The following IQGAP3 variants were observed in gnomAD, a reference collection of about 807,000 sequenced individuals.
IQGAP3 encodes ras GTPase-activating-like protein IQGAP3.
IQGAP3 carries 165 observed loss-of-function variants against 208.2 expected under a neutral mutation model. The ratio of observed to expected loss-of-function variants is 0.79; its 90% CI spans 0.70 to 0.90. The LOEUF is 0.90. Ranked by LOEUF, IQGAP3 falls within the 40% of genes least tolerant of loss-of-function variation. The probability of loss-of-function intolerance (pLI) is 0.00; values close to 1 mark genes in which losing one functional copy is unlikely to be tolerated. For missense variants in IQGAP3, 1,811 were observed against 2,043.1 expected, an observed-to-expected ratio of 0.89 and a Z score of 2.19; for synonymous variants, 703 against 803.6, an observed-to-expected ratio of 0.87 and a Z score of 2.12.
chr1:156,554,258 C>T lies in IQGAP3; in HGVS notation c.1425G>A (p.Glu475=), dbSNP rs1675711190. Residue 475 remains glutamate, a synonymous_variant, in exon 13 of 38, where the codon GAG becomes GAA. Coordinates refer to ENST00000361170, the MANE Select transcript of IQGAP3 (RefSeq NM_178229.5). ...ACCGCTGGGCATTTTCTCCTTCCAC[C>T]TCAGCCAGGCCTGTGGCAGGGTTCA... ...SLVNPATGLA[E]VEGENAQRYF... is the part of the protein sequence containing the mutation. The T allele has an allele frequency of 6.2e-7, 1 of 1,610,522 alleles. No homozygotes were observed. The highest frequency in any genetic ancestry group is 8.5e-7 in the Non-Finnish European group (1 of 1,178,988).
In IQGAP3 at chr1:156,540,722, G is replaced by T. The variant is rs368663938; in HGVS notation, c.2725C>A (p.Arg909=). The T allele has an allele frequency of 1.2e-5, 19 of 1,613,950 alleles. No individual in the cohort carries two copies. Among genetic ancestry groups the T allele is most frequent in the Non-Finnish European group, 1.5e-5 (18 of 1,179,992 alleles). ...DIKIGLLVKN[R]ITLQEVVSHC... ...GGGCCCCATACCTGCAGAGTGATCC[G>T]GTTCTTCACCAGCAGGCCAATCTTG... The change falls in exon 23 of 38, where the codon CGG becomes AGG. Residue 909 remains arginine, a synonymous_variant. Transcript: ENST00000361170.
rs150214637 is a variant in IQGAP3, at chr1:156,570,964, A to G, written c.38-1501T>C. The stretch of plus-strand genomic sequence containing the variant: ...GAATAAATAGGCGGAACACAGGGAA[A>G]GGCAGTCCAACAGAGGGAAACATGC... On this transcript the variant is annotated intron_variant, in intron 1 of 37. Transcript: ENST00000361170. 4.1e-3 allele frequency among the ~76,000 whole-genome samples: 625 copies of G among 152,350 alleles called. 4 individuals are homozygous for G. The highest frequency in any genetic ancestry group is 0.014 in the Middle Eastern group (4 of 294).
chr1:156,553,515 C>G (rs1675665382), intron 13 of IQGAP3, among the ~76,000 whole-genome samples: 1 of 152,150 alleles, frequency 6.6e-6, no homozygotes, highest in Non-Finnish European at 1.5e-5. Context: ...TATGTCTCTA[C>G]CCATTACCCA....
intron 10 of IQGAP3, 88 bp downstream of exon 10, chr1:156,561,750 G>T (rs112452789): frequency 7.6e-7 from 1 of 1,320,972 alleles, no homozygotes. Context: ...AGAATACAAA[G>T]GACCAACAGT....
At chr1:156,571,879 C>T (rs1051425242) in intron 1 of IQGAP3, among the ~76,000 whole-genome samples, 1 of 152,206 alleles carries the variant, frequency 6.6e-6, no homozygotes. Flanking sequence ...GTCTCTCTCT[C>T]TAAAACAGTG....
chr1:156,533,571 T>C (rs577959183), intron 31 of IQGAP3, among the ~76,000 whole-genome samples: 8 of 152,278 alleles, frequency 5.3e-5, no homozygotes, highest in African/African-American at 1.9e-4. Context: ...ATGATGATCG[T>C]GGGTCCCTCT....
chr1:156,569,527 T>G, intron 1 of IQGAP3, 64 bp from the exon 2 acceptor site: 2 of 504,108 alleles, frequency 4.0e-6, no homozygotes, highest in Non-Finnish European at 6.2e-6. Flanking sequence ...CACTGAAGGG[T>G]CTTTTTTTTT....
At chr1:156,535,338 C>A in intron 27 of IQGAP3, 91 bp from the exon 28 acceptor site, 2 of 884,616 alleles carry the variant, frequency 2.3e-6, no homozygotes, top group Non-Finnish European at 1.8e-6. Context: ...TGTCTCTTCT[C>A]CCCCAGGCTC....
At chr1:156,531,329 T>A in intron 32 of IQGAP3, 82 bp from the exon 33 acceptor site, 1 of 1,015,728 alleles carries the variant, frequency 9.8e-7, no homozygotes, top group Non-Finnish European at 1.6e-6. Context: ...GGTCTGAGAG[T>A]AAGTGGACCG....
intron 13 of IQGAP3, among the ~76,000 whole-genome samples, chr1:156,552,399 A>AT (rs1476050194): frequency 1.3e-5 from 2 of 152,112 alleles, no homozygotes; most frequent in African/African-American, 2.4e-5. Flanking sequence ...CCTCCAGCCC[A>AT]TTCATTTATC....
intron 19 of IQGAP3, among the ~76,000 whole-genome samples, chr1:156,547,840 C>T (rs1022389980): frequency 2.0e-5 from 3 of 152,158 alleles, no homozygotes; most frequent in Admixed American, 6.5e-5. Flanking sequence ...GACTGAGGGA[C>T]CAGTGAGGAA....
At chr1:156,555,898 T>TGA (rs1373496121) in intron 12 of IQGAP3, among the ~76,000 whole-genome samples, 4 of 152,230 alleles carry the variant, frequency 2.6e-5, no homozygotes, top group South Asian at 2.1e-4. Flanking sequence ...GTGCCTTTCC[T>TGA]GAGGGCTGTG....
intron 19 of IQGAP3, among the ~76,000 whole-genome samples, chr1:156,544,796 C>T (rs1186827842): frequency 6.6e-6 from 1 of 152,168 alleles, no homozygotes; most frequent in Non-Finnish European, 1.5e-5. Flanking sequence ...AAAGCATACA[C>T]CTACTCATCA....
intron 35 of IQGAP3, 120 bp downstream of exon 35, chr1:156,528,796 G>A: frequency 8.0e-7 from 1 of 1,248,088 alleles, no homozygotes; most frequent in Non-Finnish European, 1.1e-6. Flanking sequence ...ACTTAGGAAG[G>A]GACTGTGCTG....
In IQGAP3 at chr1:156,564,631, A is replaced by C; in HGVS notation, c.421T>G (p.Cys141Gly). The change falls in exon 5 of 38, where the codon TGC becomes GGC. Residue 141 changes from cysteine (C) to glycine (G), a missense_variant. Physicochemically the swap from Cys to Gly is radical, Grantham distance 159 (BLOSUM62 -3). Transcript: ENST00000361170. ...GTCTCTCACCTGAGAGCATGGATGC[A>C]GTAGACTACCCGGGGCATGTTCTTT... Reference protein sequence around the residue: ...DKKNMPRVVYCIHALSLFLFR... With the variant: ...DKKNMPRVVYGIHALSLFLFR... 3 of 1,613,402 alleles carry C rather than the reference A, an allele frequency of 1.9e-6. No individual in the cohort carries two copies. Among genetic ancestry groups the C allele is most frequent in the South Asian group, 2.2e-5 (2 of 91,074 alleles).
At chr1:156,569,046 AT>A (rs548556585) in intron 2 of IQGAP3, among the ~76,000 whole-genome samples, 1,614 of 150,342 alleles carry the variant, frequency 0.011, 20 homozygotes, top group Non-Finnish European at 0.017. Context: ...GTAAAAACAG[AT>A]TTTTTTTTTA....
intron 19 of IQGAP3, among the ~76,000 whole-genome samples, chr1:156,547,840 C>G (rs1022389980): frequency 1.3e-5 from 2 of 152,158 alleles, no homozygotes; most frequent in Non-Finnish European, 2.9e-5. Context: ...GACTGAGGGA[C>G]CAGTGAGGAA....
Position 156,534,708 on chromosome 1 carries a change from C to T in IQGAP3, c.3533G>A (p.Arg1178His), listed in dbSNP as rs780278881. The T allele has an allele frequency of 2.1e-5, 34 of 1,597,836 alleles. No individual in the cohort carries two copies. The highest frequency in any genetic ancestry group is 2.7e-5 in the African/African-American group (2 of 74,248). Residue 1178 changes from arginine (R) to histidine (H), a missense_variant, in exon 29 of 38, where the codon CGC becomes CAC. Arg to His is a conservative substitution (Grantham distance 29). Coordinates refer to ENST00000361170, the MANE Select transcript of IQGAP3 (RefSeq NM_178229.5). ...YKVVGNLLYY[R>H]FLNPAVVAPD... ...AGCCACCACAGCTGGGTTCAGGAAG[C>T]GGTAGTACAGGAGGTTCCCGACCAC...
Position 156,552,038 on chromosome 1 carries a change from C to T in IQGAP3, c.1506G>A (p.Leu502=), listed in dbSNP as rs1407467088. 5.0e-6 allele frequency: 8 copies of T among 1,614,204 alleles called. No homozygotes were observed. In the South Asian group the frequency reaches 7.7e-5, roughly 16 times the overall value. The change falls in exon 14 of 38, where the codon CTG becomes CTA. Residue 502 remains leucine, a synonymous_variant. Transcript: ENST00000361170. ...CGGTGGCCTGCAGGTCATTCCAGCT[C>T]AGGAAGTCCTCACCCATCCCACGCT... is the stretch of plus-strand genomic sequence containing the variant. The part of the protein sequence containing the change: ...RQERGMGEDF[L]SWNDLQATVS...
Sources: allele counts gnomAD v4.1 joint callset (sites outside exome capture counted in the v4.1 genomes callset), GRCh38; gene constraint gnomAD v4.1.1; transcripts MANE v1.5; gene names NCBI Gene and HGNC (gene_info 2026-07-23, HGNC 2026-07-21).